Variants in NOL4 observed in about 807,000 individuals in gnomAD.
NOL4 encodes the protein nucleolar protein 4.
A neutral mutation model predicts 75.9 loss-of-function variants in NOL4; 17 were observed. That is an observed-to-expected ratio of 0.22 (90% CI 0.15 to 0.34). The LOEUF (loss-of-function observed/expected upper bound fraction) is 0.34. Among genes scored for constraint, NOL4 ranks in the 10% least tolerant of loss-of-function variants. The probability of loss-of-function intolerance (pLI) is 1.00; values close to 1 mark genes in which losing one functional copy is unlikely to be tolerated. For synonymous variants in NOL4, 292 were observed against 289.9 expected, an observed-to-expected ratio of 1.01 and a Z score of -0.07; for missense variants, 614 against 793.5, an observed-to-expected ratio of 0.77 and a Z score of 2.72.
At chr18:33,921,385 G>T (rs1167806377) in intron 9 of NOL4, among the ~76,000 whole-genome samples, 1 of 152,138 alleles carries the variant, frequency 6.6e-6, no homozygotes, top group Admixed American at 6.5e-5. Context: ...AGGGTGCAAA[G>T]AATATATTGC....
intron 10 of NOL4, among the ~76,000 whole-genome samples, chr18:33,860,414 A>T (rs1599649916): frequency 1.3e-5 from 2 of 152,320 alleles, no homozygotes; most frequent in East Asian, 3.9e-4. Flanking sequence ...CATCTGAGAC[A>T]AGGCAATGCC....
intron 5 of NOL4, among the ~76,000 whole-genome samples, chr18:34,037,064 CA>C (rs200034503): frequency 0.011 from 1,653 of 152,222 alleles, 11 homozygotes; most frequent in Non-Finnish European, 0.017. Context: ...ATCTGATAAC[CA>C]AATTTAGTAG....
intron 1 of NOL4, among the ~76,000 whole-genome samples, chr18:34,207,198 T>G (rs1406459071): frequency 1.3e-5 from 2 of 152,226 alleles, no homozygotes; most frequent in Non-Finnish European, 2.9e-5. Context: ...AGGGTTGACA[T>G]CTTCTGATTT....
At chr18:34,198,352 A>G (rs898679924) in intron 1 of NOL4, among the ~76,000 whole-genome samples, 1 of 151,918 alleles carries the variant, frequency 6.6e-6, no homozygotes, top group African/African-American at 2.4e-5. Context: ...TAAAAGTGAC[A>G]AACGCCAATT....
intron 1 of NOL4, among the ~76,000 whole-genome samples, chr18:34,192,946 T>G (rs1201587134): frequency 6.6e-6 from 1 of 152,184 alleles, no homozygotes; most frequent in Admixed American, 6.5e-5. Context: ...CATGAAATGA[T>G]GCAGCAAGAA....
At chr18:33,853,501 AG>A (rs2062709644) in intron 10 of NOL4, among the ~76,000 whole-genome samples, 2 of 152,138 alleles carry the variant, frequency 1.3e-5, no homozygotes, top group South Asian at 4.1e-4. Flanking sequence ...TAGTCAACTT[AG>A]CAAAAAGGAA....
intron 10 of NOL4, among the ~76,000 whole-genome samples, chr18:33,863,906 C>A (rs957547830): frequency 6.6e-6 from 1 of 152,208 alleles, no homozygotes; most frequent in African/African-American, 2.4e-5. Flanking sequence ...CCTCCAAAAT[C>A]TAGGCAGAGG....
intron 1 of NOL4, among the ~76,000 whole-genome samples, chr18:34,173,941 A>G (rs1568419691): frequency 6.6e-6 from 1 of 152,206 alleles, no homozygotes; most frequent in Non-Finnish European, 1.5e-5. Flanking sequence ...ATCATTATTA[A>G]CTACTTTCTC....
intron 6 of NOL4, among the ~76,000 whole-genome samples, chr18:34,010,340 T>C (rs2074299724): frequency 1.3e-5 from 2 of 152,036 alleles, no homozygotes; most frequent in Middle Eastern, 3.4e-3. Flanking sequence ...AATTTCGTTA[T>C]TTTTACGGCT....
At chr18:33,971,706 T>A (rs542505053) in intron 6 of NOL4, among the ~76,000 whole-genome samples, 27 of 152,246 alleles carry the variant, frequency 1.8e-4, no homozygotes, top group African/African-American at 5.1e-4. Flanking sequence ...ACCGGGGCAC[T>A]GTTCCTGCCT....
intron 9 of NOL4, among the ~76,000 whole-genome samples, chr18:33,896,020 G>A (rs2065381695): frequency 6.6e-6 from 1 of 151,892 alleles, no homozygotes; most frequent in East Asian, 1.9e-4. Flanking sequence ...GCCAAACCAA[G>A]AACCAAATCA....
At chr18:33,967,903 T>C (rs1258690980) in intron 6 of NOL4, among the ~76,000 whole-genome samples, 7 of 151,944 alleles carry the variant, frequency 4.6e-5, no homozygotes, top group Admixed American at 3.9e-4. Flanking sequence ...CTGGCCAATA[T>C]GGTGAAACCC....
intron 6 of NOL4, among the ~76,000 whole-genome samples, chr18:33,969,574 C>G (rs139156113): frequency 1.6e-3 from 247 of 152,144 alleles, no homozygotes; most frequent in African/African-American, 5.6e-3. Context: ...TTTATTATTA[C>G]TTAACAACTG....
chr18:33,903,821 CA>C (rs2065878268), intron 9 of NOL4, among the ~76,000 whole-genome samples: 1 of 152,212 alleles, frequency 6.6e-6, no homozygotes, highest in Admixed American at 6.5e-5. Context: ...AAAAACAATT[CA>C]ATCCCACTAG....
At chr18:34,123,682 T>A (rs1431505446) in intron 2 of NOL4, among the ~76,000 whole-genome samples, 2 of 148,350 alleles carry the variant, frequency 1.3e-5, no homozygotes, top group Non-Finnish European at 3.0e-5. Context: ...TATCTATATA[T>A]CTAATAGATA....
chr18:34,124,137 C>G (rs1397238102), intron 2 of NOL4, among the ~76,000 whole-genome samples: 1 of 152,124 alleles, frequency 6.6e-6, no homozygotes, highest in Non-Finnish European at 1.5e-5. Context: ...CTATATTTGT[C>G]TGTTGTGTTA....
intron 9 of NOL4, among the ~76,000 whole-genome samples, chr18:33,937,597 ATCT>A (rs1223356198): frequency 1.3e-5 from 2 of 152,088 alleles, no homozygotes; most frequent in Non-Finnish European, 2.9e-5. Context: ...AGGAAGAGTG[ATCT>A]TCTTGCTAAC....
At chr18:33,982,742 ATTTTT>A (rs953221382) in intron 6 of NOL4, among the ~76,000 whole-genome samples, 1 of 104,914 alleles carries the variant, frequency 9.5e-6, no homozygotes, top group Admixed American at 1.1e-4. Context: ...AGACAATGGG[ATTTTT>A]TTTTTTTTTT....
intron 5 of NOL4, among the ~76,000 whole-genome samples, chr18:34,064,871 C>T (rs1463412224): frequency 6.6e-6 from 1 of 151,186 alleles, no homozygotes; most frequent in East Asian, 1.9e-4. Flanking sequence ...TACTGTAATG[C>T]ATAAAAATTT....
Sources: allele counts gnomAD v4.1 joint callset (sites outside exome capture counted in the v4.1 genomes callset), GRCh38; gene constraint gnomAD v4.1.1; transcripts MANE v1.5; gene names NCBI Gene and HGNC (gene_info 2026-07-23, HGNC 2026-07-21).